The following ETNK1 variants were observed in gnomAD, a reference collection of about 807,000 sequenced individuals.
ETNK1 encodes the protein putative protein product of Nbla10396.
A neutral mutation model predicts 45.1 loss-of-function variants in ETNK1; 8 were observed. The ratio of observed to expected loss-of-function variants is 0.18; its 90% CI spans 0.10 to 0.32. ETNK1 has a LOEUF of 0.32. Among genes scored for constraint, ETNK1 ranks in the 10% least tolerant of loss-of-function variants. ETNK1 has a pLI of 1.00. For synonymous variants in ETNK1, 152 were observed against 151.9 expected, an observed-to-expected ratio of 1.00 and a Z score of -0.01; for missense variants, 302 against 430.6, an observed-to-expected ratio of 0.70 and a Z score of 2.64.
chr12:22,661,088 C>CA lies in ETNK1; in HGVS notation c.584dup (p.Ile196AspfsTer25). 6.2e-7 allele frequency: 1 copy of CA among 1,611,208 alleles called. No homozygotes were observed. Among genetic ancestry groups the CA allele is most frequent in the Non-Finnish European group, 8.5e-7 (1 of 1,179,186 alleles). On this transcript the variant is annotated frameshift_variant, in exon 4 of 8. Transcript: ENST00000266517. LOFTEE classifies it high-confidence loss of function. ...GTTCCTAAGTGATATCCCAAGCTCT[C>CA]AGATTCTCCAGGAAGAGATGACTTG...
rs756960167 is a variant in ETNK1, at chr12:22,644,009, C to T, written c.403C>T (p.Pro135Ser). 5 of 1,590,572 alleles carry T rather than the reference C, an allele frequency of 3.1e-6. No individual in the cohort carries two copies. The African/African-American group carries it at 6.7e-5, about 21-fold the overall frequency. The change falls in exon 2 of 8, where the codon CCA becomes TCA. Residue 135 changes from proline to serine, a missense_variant. Pro to Ser is a moderately conservative substitution (Grantham distance 74, BLOSUM62 -1). Coordinates refer to ENST00000266517, the MANE Select transcript of ETNK1 (RefSeq NM_018638.5). Reference protein sequence around the residue: ...EALDPKHVCNPAIFRLIARQL... With the variant: ...EALDPKHVCNSAIFRLIARQL... ...ACTGGATCCAAAGCATGTCTGCAAC[C>T]CAGCCATTTTCAGGTACATTTTCTT...
intron 5 of ETNK1, among the ~76,000 whole-genome samples, chr12:22,672,199 A>T (rs1027519234): frequency 1.1e-4 from 16 of 152,228 alleles, no homozygotes; most frequent in African/African-American, 3.9e-4. Context: ...ATTTATAATT[A>T]CTTAAGTTAA....
intron 2 of ETNK1, among the ~76,000 whole-genome samples, chr12:22,657,803 A>T (rs774409481): frequency 6.6e-6 from 1 of 152,222 alleles, no homozygotes; most frequent in Non-Finnish European, 1.5e-5. Context: ...TGTAGTAATG[A>T]CATGAACTAA....
At chr12:22,634,576 G>C (rs1326564875) in intron 1 of ETNK1, among the ~76,000 whole-genome samples, 1 of 152,134 alleles carries the variant, frequency 6.6e-6, no homozygotes, top group Non-Finnish European at 1.5e-5. Context: ...GTTATCAACT[G>C]TATTAATCTT....
chr12:22,669,946 A>C (rs955838184), intron 4 of ETNK1, among the ~76,000 whole-genome samples: 6 of 152,088 alleles, frequency 3.9e-5, no homozygotes, highest in Admixed American at 2.0e-4. Context: ...AACATTGATT[A>C]TTCTCACTTA....
intron 5 of ETNK1, 36 bp downstream of exon 5, chr12:22,671,391 C>A: frequency 8.0e-7 from 1 of 1,254,302 alleles, no homozygotes; most frequent in Non-Finnish European, 1.2e-6. Context: ...AGCTTTGAAA[C>A]GATATTTTCA....
chr12:22,669,246 A>G (rs912898331), intron 4 of ETNK1, among the ~76,000 whole-genome samples: 2 of 152,106 alleles, frequency 1.3e-5, no homozygotes, highest in African/African-American at 2.4e-5. Context: ...ATAGTTTTGT[A>G]TAGGGAATTC....
intron 6 of ETNK1, among the ~76,000 whole-genome samples, chr12:22,683,725 C>A (rs1172564664): frequency 6.6e-6 from 1 of 151,968 alleles, no homozygotes; most frequent in Non-Finnish European, 1.5e-5. Flanking sequence ...TGTTAGAGCC[C>A]CTTTGTTACT....
chr12:22,625,587 G>A lies in ETNK1; in HGVS notation c.156+1G>A. 6.3e-7 allele frequency: 1 copy of A among 1,580,768 alleles called. No homozygotes were observed. The highest frequency in any genetic ancestry group is 2.3e-5 in the East Asian group (1 of 43,944). ...GGACCCCCAGGAGGTGACCCTGCAG[G>A]TAACGCCCACACCTCAGCTCTGGGT... On this transcript the variant is annotated splice_donor_variant, in intron 1 of 7. Coordinates refer to ENST00000266517, the MANE Select transcript of ETNK1 (RefSeq NM_018638.5). LOFTEE classifies it high-confidence loss of function.
rs561134951 is a variant in ETNK1, at chr12:22,674,147, C to T, written c.945+487C>T. On this transcript the variant is annotated intron_variant, in intron 6 of 7. Coordinates refer to ENST00000266517, the MANE Select transcript of ETNK1 (RefSeq NM_018638.5). ...ACCTTCATTTGATAAGCAGTTATTTCCAGCTTTATTGGTGTCTTAAAGCTT... is the reference window on the plus strand; with the variant it reads ...ACCTTCATTTGATAAGCAGTTATTTTCAGCTTTATTGGTGTCTTAAAGCTT... 2.0e-5 allele frequency among the ~76,000 whole-genome samples: 3 copies of T among 152,244 alleles called. No homozygotes were observed. The East Asian group carries it at 5.8e-4, about 29-fold the overall frequency.
intron 1 of ETNK1, among the ~76,000 whole-genome samples, chr12:22,642,071 A>C (rs187279247): frequency 2.8e-3 from 434 of 152,286 alleles, no homozygotes; most frequent in Non-Finnish European, 5.4e-3. Context: ...GTTGGTAGCT[A>C]TACGAGTTCT....
Position 22,625,222 on chromosome 12 carries a change from C to T in ETNK1, c.-209C>T, listed in dbSNP as rs756513365. 1.9e-6 allele frequency: 3 copies of T among 1,611,188 alleles called. No individual in the cohort carries two copies. Among genetic ancestry groups the T allele is most frequent in the Middle Eastern group, 1.7e-4 (1 of 6,052 alleles). On this transcript the variant is annotated 5_prime_UTR_variant, in exon 1 of 8. Coordinates refer to ENST00000266517, the MANE Select transcript of ETNK1 (RefSeq NM_018638.5). ...AACAGGAATTTTCTCCGAGAGCGGG[C>T]CGGGCTCAGTTCAGCTGCTGTCCAG...
rs994081835 is a variant in ETNK1, at chr12:22,689,907, T to A, written c.*4953T>A. ...CAAAGAGGAAACTTTTTGACTGTAC[T>A]GTATTTAGGAGCCTTTGTACAGCTT... On this transcript the variant is annotated 3_prime_UTR_variant, in exon 8 of 8. Transcript: ENST00000266517. 6.6e-6 allele frequency: 1 copy of A among 152,374 alleles called. No individual in the cohort carries two copies. The highest frequency in any genetic ancestry group is 2.1e-4 in the South Asian group (1 of 4,838). The allele number at this position is 152,374 out of a possible 1,614,324, so 9.4% of individuals were successfully genotyped here.
chr12:22,645,175 A>G (rs1953791546), intron 2 of ETNK1, among the ~76,000 whole-genome samples: 1 of 151,838 alleles, frequency 6.6e-6, no homozygotes, highest in Non-Finnish European at 1.5e-5. Flanking sequence ...TAAATCCTCA[A>G]TCTTGTTCAC....
chr12:22,650,672 G>C (rs1953863233), intron 2 of ETNK1, among the ~76,000 whole-genome samples: 1 of 151,684 alleles, frequency 6.6e-6, no homozygotes. Flanking sequence ...TGTTGGATTT[G>C]ATTTGCTTGT....
At chr12:22,629,093 G>A in intron 1 of ETNK1, among the ~76,000 whole-genome samples, 1 of 152,082 alleles carries the variant, frequency 6.6e-6, no homozygotes, top group Non-Finnish European at 1.5e-5. Flanking sequence ...GTTATTGTGA[G>A]GGTAAAATAA....
At chr12:22,679,754 G>A (rs1421057422) in intron 6 of ETNK1, among the ~76,000 whole-genome samples, 2 of 145,998 alleles carry the variant, frequency 1.4e-5, no homozygotes, top group East Asian at 4.1e-4. Context: ...AGCCTTGAGT[G>A]CAGTGGCACA....
rs1327152023 is a variant in ETNK1 at position 22,688,367 on chromosome 12, C to T, written c.*3413C>T. The T allele has an allele frequency of 6.6e-6, 1 of 151,692 alleles. No homozygotes were observed. The highest frequency in any genetic ancestry group is 2.4e-5 in the African/African-American group (1 of 41,370). The allele number at this position is 151,692 out of a possible 1,614,324, so 9.4% of individuals were successfully genotyped here. On this transcript the variant is annotated 3_prime_UTR_variant, in exon 8 of 8. Coordinates refer to ENST00000266517, the MANE Select transcript of ETNK1 (RefSeq NM_018638.5). Reference sequence around the variant, plus strand: ...TTTTTGCTGAACTAAAAATATTTAACTTCATAAATATGTTACTACAGCTTC... The same window carrying T: ...TTTTTGCTGAACTAAAAATATTTAATTTCATAAATATGTTACTACAGCTTC...
Position 22,690,594 on chromosome 12 carries a change from G to A in ETNK1, c.*5640G>A, listed in dbSNP as rs1368277487. 6.6e-6 allele frequency: 1 copy of A among 152,268 alleles called. No homozygotes were observed. Among genetic ancestry groups the A allele is most frequent in the East Asian group, 1.9e-4 (1 of 5,198 alleles). The allele number at this position is 152,268 out of a possible 1,614,324, so 9.4% of individuals were successfully genotyped here. On this transcript the variant is annotated 3_prime_UTR_variant, in exon 8 of 8. Coordinates refer to ENST00000266517, the MANE Select transcript of ETNK1 (RefSeq NM_018638.5). ...TTTACCATTGATTAAATGAAGGAAT[G>A]TATCTTTTTGAAGAGATTTATATTC...
Sources: allele counts gnomAD v4.1 joint callset (sites outside exome capture counted in the v4.1 genomes callset), GRCh38; gene constraint gnomAD v4.1.1; transcripts MANE v1.5; gene names NCBI Gene and HGNC (gene_info 2026-07-23, HGNC 2026-07-21).